The following EIF2AK3 variants were observed in gnomAD, a reference collection of about 807,000 sequenced individuals.
EIF2AK3 encodes eukaryotic translation initiation factor 2-alpha kinase 3.
A neutral mutation model predicts 113.5 loss-of-function variants in EIF2AK3; 50 were observed. The ratio of observed to expected loss-of-function variants is 0.44; its 90% CI spans 0.35 to 0.56. The LOEUF is 0.56. EIF2AK3 is among the 20% of genes least tolerant of loss of function. EIF2AK3 has a pLI of 0.00. For missense variants in EIF2AK3, 1,185 were observed against 1,378.0 expected, an observed-to-expected ratio of 0.86 and a Z score of 2.22; for synonymous variants, 448 against 495.4, an observed-to-expected ratio of 0.90 and a Z score of 1.27.
At chr2:88,606,553 A>G (rs577738388) in intron 2 of EIF2AK3, among the ~76,000 whole-genome samples, 6 of 152,224 alleles carry the variant, frequency 3.9e-5, no homozygotes, top group Non-Finnish European at 8.8e-5. Context: ...GCCATCTTAG[A>G]TGACACAGAC....
Position 88,601,834 on chromosome 2 carries a change from CT to C in EIF2AK3, c.439-6172del, listed in dbSNP as rs59987968. ...TCTGCATTTATTAGTTAAGATTTTT[CT>C]TTTTTTTTTTTTTTTTTTTTGCTTT... On this transcript the variant is annotated intron_variant, in intron 2 of 16. Coordinates refer to ENST00000303236, the MANE Select transcript of EIF2AK3 (RefSeq NM_004836.7). 3.5e-3 allele frequency among the ~76,000 whole-genome samples: 262 copies of C among 74,868 alleles called. 1 individual carries two copies. Among genetic ancestry groups the C allele is most frequent in the South Asian group, 0.035 (61 of 1,762 alleles). 49.1% of individuals were successfully genotyped at this position (74,868 alleles called of 152,430 possible).
intron 8 of EIF2AK3, among the ~76,000 whole-genome samples, chr2:88,587,387 A>G (rs1464710924): frequency 6.6e-6 from 1 of 152,064 alleles, no homozygotes; most frequent in Non-Finnish European, 1.5e-5. Flanking sequence ...CAACTGTTTA[A>G]AAGGCTTTCA....
intron 3 of EIF2AK3, among the ~76,000 whole-genome samples, chr2:88,594,304 T>C (rs1025893965): frequency 3.3e-5 from 5 of 152,242 alleles, no homozygotes; most frequent in Non-Finnish European, 7.3e-5. Context: ...GTGATTCTCG[T>C]ACCTCAGCCT....
At chr2:88,561,764 T>A (rs1300679344) in intron 15 of EIF2AK3, among the ~76,000 whole-genome samples, 1 of 151,642 alleles carries the variant, frequency 6.6e-6, no homozygotes, top group South Asian at 2.1e-4. Flanking sequence ...GAGACTGAGA[T>A]GGGAGGATGG....
intron 3 of EIF2AK3, chr2:88,593,843 C>G: frequency 1.0e-6 from 1 of 973,238 alleles, no homozygotes; most frequent in South Asian, 4.4e-5. Flanking sequence ...AAGTAACTGC[C>G]TCAAATTTTC....
At chr2:88,607,238 G>T (rs768438368) in intron 2 of EIF2AK3, among the ~76,000 whole-genome samples, 5 of 152,134 alleles carry the variant, frequency 3.3e-5, no homozygotes, top group Non-Finnish European at 7.4e-5. Flanking sequence ...AAAATTTTAA[G>T]GCAATCAGTG....
chr2:88,606,409 G>A (rs1573416574), intron 2 of EIF2AK3, among the ~76,000 whole-genome samples: 4 of 152,188 alleles, frequency 2.6e-5, no homozygotes, highest in South Asian at 2.1e-4. Flanking sequence ...TTTCAGCCAT[G>A]CTAAGGGATT....
intron 10 of EIF2AK3, chr2:88,579,857 A>G (rs1322137264): frequency 1.5e-5 from 7 of 475,448 alleles, no homozygotes; most frequent in Non-Finnish European, 2.6e-5. Flanking sequence ...AATTAAAAAT[A>G]AAAAAGACAT....
intron 1 of EIF2AK3, among the ~76,000 whole-genome samples, chr2:88,614,209 C>T (rs1342813577): frequency 6.6e-6 from 1 of 152,182 alleles, no homozygotes; most frequent in Non-Finnish European, 1.5e-5. Context: ...TTTTTGCTCT[C>T]ATAGAAACCG....
chr2:88,560,260 T>C (rs1357163161), intron 15 of EIF2AK3, among the ~76,000 whole-genome samples: 2 of 152,238 alleles, frequency 1.3e-5, no homozygotes, highest in Non-Finnish European at 2.9e-5. Context: ...TTTATCCTCT[T>C]TGGAGAAAGT....
intron 1 of EIF2AK3, 102 bp downstream of exon 1, chr2:88,626,865 G>A (rs1675874373): frequency 2.0e-6 from 3 of 1,479,222 alleles, no homozygotes; most frequent in Admixed American, 3.8e-5. Flanking sequence ...GCAGCCGAGG[G>A]AAGACGCCCG....
chr2:88,573,262 C>T (rs1674363957), intron 13 of EIF2AK3, among the ~76,000 whole-genome samples: 1 of 152,038 alleles, frequency 6.6e-6, no homozygotes, highest in Admixed American at 6.6e-5. Flanking sequence ...TAGACAATTA[C>T]AGAAAAATCT....
intron 2 of EIF2AK3, among the ~76,000 whole-genome samples, chr2:88,598,362 G>A (rs923366344): frequency 6.6e-6 from 1 of 152,002 alleles, no homozygotes; most frequent in African/African-American, 2.4e-5. Flanking sequence ...TTAGTTACAA[G>A]AAATTAAAAA....
chr2:88,608,701 T>TTTC (rs1675351845), intron 2 of EIF2AK3, among the ~76,000 whole-genome samples: 2 of 15,236 alleles, frequency 1.3e-4, no homozygotes, highest in Non-Finnish European at 2.2e-4. Flanking sequence ...TTTTGATTTC[T>TTTC]TTTTTTTTTT....
At chr2:88,577,524 C>T (rs547283680) in intron 11 of EIF2AK3, among the ~76,000 whole-genome samples, 2 of 150,176 alleles carry the variant, frequency 1.3e-5, no homozygotes, top group Non-Finnish European at 3.0e-5. Flanking sequence ...TACAGTGATG[C>T]GATCTCAGCT....
chr2:88,579,946 T>A, intron 10 of EIF2AK3: 1 of 298,880 alleles, frequency 3.3e-6, no homozygotes, highest in Non-Finnish European at 6.4e-6. Flanking sequence ...ATACTTCCTA[T>A]CATCTACCAA....
chr2:88,593,014 T>C (rs1674924103), intron 4 of EIF2AK3, among the ~76,000 whole-genome samples: 1 of 152,082 alleles, frequency 6.6e-6, no homozygotes, highest in Admixed American at 6.6e-5. Flanking sequence ...TGGTGGCACG[T>C]GCCTGTAATC....
chr2:88,594,830 T>TAAAAAA (rs58582485), intron 3 of EIF2AK3, among the ~76,000 whole-genome samples: 3 of 115,068 alleles, frequency 2.6e-5, no homozygotes, highest in Non-Finnish European at 5.2e-5. Context: ...TGTCAAAATG[T>TAAAAAA]AAAAAAAAAA....
chr2:88,590,510 A>G lies in EIF2AK3; in HGVS notation c.1098T>C (p.Asp366=), dbSNP rs777235161. The part of the protein sequence containing the change: ...FDDTSYTSND[D]VLEDEEDIVE... ...CAATGTCTTCTTCATCTTCTAAAACATCATCATTAGATGTATAACTTGTAT... is the reference window on the plus strand; with the variant it reads ...CAATGTCTTCTTCATCTTCTAAAACGTCATCATTAGATGTATAACTTGTAT... Residue 366 remains aspartate (D), a synonymous_variant, in exon 6 of 17, where the codon GAT becomes GAC. Transcript: ENST00000303236. 5.6e-6 allele frequency: 9 copies of G among 1,613,898 alleles called. No homozygotes were observed. The highest frequency in any genetic ancestry group is 5.5e-5 in the South Asian group (5 of 91,078).
Sources: allele counts gnomAD v4.1 joint callset (sites outside exome capture counted in the v4.1 genomes callset), GRCh38; gene constraint gnomAD v4.1.1; transcripts MANE v1.5; gene names NCBI Gene and HGNC (gene_info 2026-07-23, HGNC 2026-07-21).